The following FLOT2 variants were observed in gnomAD, a reference collection of about 807,000 sequenced individuals.
The protein encoded by FLOT2 is flotillin 2.
FLOT2 carries 35 observed loss-of-function variants against 54.9 expected under a neutral mutation model. That is an observed-to-expected ratio of 0.64 (90% CI 0.49 to 0.84). The LOEUF is 0.84. Ranked by LOEUF, FLOT2 falls within the 40% of genes least tolerant of loss-of-function variation. The pLI is 0.00. For synonymous variants in FLOT2, 207 were observed against 228.9 expected (o/e 0.90, Z 0.86); for missense variants, 464 against 572.1 (o/e 0.81, Z 1.93).
chr17:28,882,097 G>C lies in FLOT2; in HGVS notation c.699+21C>G, dbSNP rs1014970025. On this transcript the variant is annotated intron_variant, in intron 7 of 10. Coordinates refer to ENST00000394908, the MANE Select transcript of FLOT2 (RefSeq NM_004475.3). The surrounding 1 kb of genome is among the most constrained non-coding windows in gnomAD (Gnocchi z 5.6). Reference sequence around the variant, plus strand: ...GTCCTGATCCCTGAGCCCCATCCCAGGATGTCCTCAGGCTGCTCACCTTGA... The same window carrying C: ...GTCCTGATCCCTGAGCCCCATCCCACGATGTCCTCAGGCTGCTCACCTTGA... 1 of 1,613,806 alleles carries C rather than the reference G, an allele frequency of 6.2e-7. No homozygotes were observed. Among genetic ancestry groups the C allele is most frequent in the African/African-American group, 1.3e-5 (1 of 75,038 alleles).
At chr17:28,896,664 C>T (rs577081730) in intron 1 of FLOT2, among the ~76,000 whole-genome samples, 33 of 152,272 alleles carry the variant, frequency 2.2e-4, no homozygotes, top group African/African-American at 7.5e-4. Flanking sequence ...GTAACCAGTT[C>T]TACCAAATCT....
intron 1 of FLOT2, among the ~76,000 whole-genome samples, chr17:28,894,190 A>G (rs533292468): frequency 3.2e-4 from 49 of 152,342 alleles, no homozygotes; most frequent in African/African-American, 1.2e-3. Context: ...CTACTAGTCA[A>G]GAAGTCCATA....
At chr17:28,886,490 G>A (rs969846642) in intron 2 of FLOT2, among the ~76,000 whole-genome samples, 2 of 152,216 alleles carry the variant, frequency 1.3e-5, no homozygotes, top group Non-Finnish European at 2.9e-5. Flanking sequence ...GTTCTGATGT[G>A]GGGCCAAGGA....
intron 1 of FLOT2, among the ~76,000 whole-genome samples, chr17:28,891,292 G>C: frequency 6.6e-6 from 1 of 152,210 alleles, no homozygotes; most frequent in East Asian, 1.9e-4. Context: ...TCATGCAGCT[G>C]GGTTAGTGTC....
chr17:28,887,118 A>C (rs78784481), intron 2 of FLOT2, among the ~76,000 whole-genome samples: 2,586 of 152,186 alleles, frequency 0.017, 59 homozygotes, highest in African/African-American at 0.06. Flanking sequence ...AGAGCCGCCC[A>C]TATCAGGGCC....
rs565522463 is a variant in FLOT2, at chr17:28,897,679, G to A, written c.-105C>T. 11 of 1,061,048 alleles carry A rather than the reference G, an allele frequency of 1.0e-5. No homozygotes were observed. Among genetic ancestry groups the A allele is most frequent in the Middle Eastern group, 3.5e-4 (1 of 2,884 alleles). 65.7% of individuals were successfully genotyped at this position (1,061,048 alleles called of 1,614,324 possible). ...GCCTATCCCGCCACCCCCAGCGGCC[G>A]GCCGCCCGCTCGCTCGCCCGCGCCC... On this transcript the variant is annotated 5_prime_UTR_variant, in exon 1 of 11. Coordinates refer to ENST00000394908, the MANE Select transcript of FLOT2 (RefSeq NM_004475.3). The surrounding 1 kb of genome is among the most constrained non-coding windows in gnomAD (Gnocchi z 4.4).
At chr17:28,881,577 CCAGG>C (rs1164336210) in intron 8 of FLOT2, among the ~76,000 whole-genome samples, 1 of 152,230 alleles carries the variant, frequency 6.6e-6, no homozygotes, top group Non-Finnish European at 1.5e-5. Context: ...AGGGGACAAA[CCAGG>C]ATGCCGTCTA....
Position 28,881,897 on chromosome 17 carries a change from A to G in FLOT2, c.831T>C (p.Arg277=). The change falls in exon 8 of 11, where the codon CGT becomes CGC. Residue 277 remains arginine, a synonymous_variant. Coordinates refer to ENST00000394908, the MANE Select transcript of FLOT2 (RefSeq NM_004475.3). ...QIAVEAQEIL[R]TDKELIATVR... ...CTGTAGCGATGAGCTCCTTGTCCGT[A>G]CGCAGGATCTCCTGTGCCTCCACGG... The G allele has an allele frequency of 6.2e-7, 1 of 1,613,790 alleles. No homozygotes were observed.
At chr17:28,894,712 T>G (rs1183700783) in intron 1 of FLOT2, among the ~76,000 whole-genome samples, 5 of 140,458 alleles carry the variant, frequency 3.6e-5, no homozygotes, top group Admixed American at 7.5e-5. Flanking sequence ...GAGGATTGCT[T>G]GAGCCTGGGA....
chr17:28,890,191 C>G (rs142407852), intron 1 of FLOT2, among the ~76,000 whole-genome samples: 8 of 152,204 alleles, frequency 5.3e-5, no homozygotes, highest in South Asian at 2.1e-4. Context: ...GTGGGGAAGG[C>G]AAGGCCTCAA....
In FLOT2 at chr17:28,879,790, G is replaced by A. The variant is rs2039417039; in HGVS notation, c.*771C>T. On this transcript the variant is annotated 3_prime_UTR_variant, in exon 11 of 11. Transcript: ENST00000394908. ...CCCTCATCTCAGAAAACTTAGCAGA[G>A]TTGGGACCAAACCGCACCGCCCCAG... The A allele has an allele frequency of 2.0e-6, 2 of 986,176 alleles. No individual in the cohort carries two copies. Among genetic ancestry groups the A allele is most frequent in the Middle Eastern group, 5.2e-4 (1 of 1,920 alleles). 61.1% of individuals were successfully genotyped at this position (986,176 alleles called of 1,614,324 possible).
Position 28,880,343 on chromosome 17 carries a change from G to A in FLOT2, c.*218C>T. On this transcript the variant is annotated 3_prime_UTR_variant, in exon 11 of 11. Transcript: ENST00000394908. ...CAGGGAGATGAGACACAAACCTGAT[G>A]AAAGTGGCAGTGAAAGTGGGGTAAA... 7.1e-7 allele frequency: 1 copy of A among 1,408,332 alleles called. No individual in the cohort carries two copies. The highest frequency in any genetic ancestry group is 1.6e-5 in the South Asian group (1 of 61,144). The allele number at this position is 1,408,332 out of a possible 1,614,324, so 87.2% of individuals were successfully genotyped here.
In FLOT2 at chr17:28,894,332, A is replaced by T. The variant is rs114289264; in HGVS notation, c.49+3194T>A. ...GGAGACCCTGTCTCTACAAAAAATT[A>T]AAAATTAGCAGCCAGGCATGGTGGC... On this transcript the variant is annotated intron_variant, in intron 1 of 10. Coordinates refer to ENST00000394908, the MANE Select transcript of FLOT2 (RefSeq NM_004475.3). Among the ~76,000 whole-genome samples the T allele has an allele frequency of 4.2e-3, 635 of 151,882 alleles. 7 individuals carry two copies. Among genetic ancestry groups the T allele is most frequent in the African/African-American group, 0.015 (615 of 41,442 alleles).
In FLOT2 at chr17:28,882,431, T is replaced by C; in HGVS notation, c.485A>G (p.Asp162Gly). Residue 162 changes from aspartate to glycine, a missense_variant, in exon 6 of 11, where the codon GAC becomes GGC. Physicochemically the swap from Asp to Gly is moderately conservative, Grantham distance 94. Transcript: ENST00000394908. The surrounding 1 kb of genome is among the most constrained non-coding windows in gnomAD (Gnocchi z 5.6). ...CGTCTTGCCCAGGGAGCTCAGATAG[T>C]CCACTTTGTCATACACGTCCTGGGG... ...FTIKDVYDKV[D>G]YLSSLGKTQT... 1.9e-6 allele frequency: 3 copies of C among 1,614,026 alleles called. No homozygotes were observed. Among genetic ancestry groups the C allele is most frequent in the Non-Finnish European group, 2.5e-6 (3 of 1,180,000 alleles).
chr17:28,894,254 A>AGACC (rs2039703052), intron 1 of FLOT2, among the ~76,000 whole-genome samples: 1 of 152,134 alleles, frequency 6.6e-6, no homozygotes, highest in Non-Finnish European at 1.5e-5. Flanking sequence ...TGGGAGGCTG[A>AGACC]GGTGGGAGGA....
In FLOT2 at chr17:28,880,251, A is replaced by T; in HGVS notation, c.*310T>A. 3.2e-6 allele frequency: 4 copies of T among 1,245,702 alleles called. No homozygotes were observed. In the South Asian group the frequency reaches 6.4e-5, roughly 20 times the overall value. 77.2% of individuals were successfully genotyped at this position (1,245,702 alleles called of 1,614,324 possible). On this transcript the variant is annotated 3_prime_UTR_variant, in exon 11 of 11. Coordinates refer to ENST00000394908, the MANE Select transcript of FLOT2 (RefSeq NM_004475.3). The stretch of plus-strand genomic sequence containing the variant: ...CCCCCACAGAGAGTGATTGTAATAA[A>T]CATCTTCAGCTTAATCTACATGATG...
intron 1 of FLOT2, among the ~76,000 whole-genome samples, chr17:28,889,300 G>A (rs2039604635): frequency 6.6e-6 from 1 of 151,934 alleles, no homozygotes; most frequent in African/African-American, 2.4e-5. Context: ...AAGAAGAACA[G>A]AACAGGACAA....
In FLOT2 at chr17:28,880,775, TCA is replaced by T; in HGVS notation, c.1184_1185del (p.Val395GlufsTer21). ...GCAGGCAGCTCGGCCAGCAGTCGGT[TCA>T]CTTCTGATGTGACCTTACTGTTGTC... is the stretch of plus-strand genomic sequence containing the variant. Reference protein sequence around the residue: ...SGDNSKVTSEVNRLLAELPAS... With the variant: ...SGDNSKVTSEXNRLLAELPAS... On this transcript the variant is annotated frameshift_variant, in exon 10 of 11. Coordinates refer to ENST00000394908, the MANE Select transcript of FLOT2 (RefSeq NM_004475.3). LOFTEE classifies it high-confidence loss of function. 6.2e-7 allele frequency: 1 copy of T among 1,614,212 alleles called. No homozygotes were observed. Among genetic ancestry groups the T allele is most frequent in the Non-Finnish European group, 8.5e-7 (1 of 1,180,034 alleles).
In FLOT2 at chr17:28,879,722, A is replaced by G; in HGVS notation, c.*839T>C. On this transcript the variant is annotated 3_prime_UTR_variant, in exon 11 of 11. Coordinates refer to ENST00000394908, the MANE Select transcript of FLOT2 (RefSeq NM_004475.3). Reference sequence around the variant, plus strand: ...ACACCCAGGACAGTGCAGCCCTAGCAGGAAGAAGGTCTACACACTTTTCTG... The same window carrying G: ...ACACCCAGGACAGTGCAGCCCTAGCGGGAAGAAGGTCTACACACTTTTCTG... The G allele has an allele frequency of 1.0e-6, 1 of 986,112 alleles. No individual in the cohort carries two copies. Among genetic ancestry groups the G allele is most frequent in the Middle Eastern group, 5.2e-4 (1 of 1,920 alleles). The allele number at this position is 986,112 out of a possible 1,614,324, so 61.1% of individuals were successfully genotyped here. A position where few individuals can be genotyped will look rare whatever the true frequency, so the allele number is the denominator to read the frequency against.
Sources: allele counts gnomAD v4.1 joint callset (sites outside exome capture counted in the v4.1 genomes callset), GRCh38; gene constraint gnomAD v4.1.1; non-coding constraint Gnocchi (gnomAD v3.1); transcripts MANE v1.5; gene names NCBI Gene and HGNC (gene_info 2026-07-23, HGNC 2026-07-21).